The following UBFD1 variants were observed in gnomAD, a reference collection of about 807,000 sequenced individuals.
The protein encoded by UBFD1 is ubiquitin domain-containing protein UBFD1.
In UBFD1, 12 loss-of-function variants were observed where a neutral mutation model predicts 35.1. The observed-to-expected ratio is 0.34, with a 90% confidence interval of 0.22 to 0.55. The LOEUF (loss-of-function observed/expected upper bound fraction) is 0.55, where lower values mean the gene tolerates loss of function less well. Among genes scored for constraint, UBFD1 ranks in the 20% least tolerant of loss-of-function variants. The probability of loss-of-function intolerance (pLI) is 0.89; values close to 1 mark genes in which losing one functional copy is unlikely to be tolerated. For synonymous variants in UBFD1, 178 were observed against 167.6 expected, an observed-to-expected ratio of 1.06 and a Z score of -0.48; for missense variants, 337 against 410.8, an observed-to-expected ratio of 0.82 and a Z score of 1.55.
At chr16:23,557,805 T>C in intron 1 of UBFD1, 38 bp downstream of exon 1, 1 of 1,274,622 alleles carries the variant, frequency 7.8e-7, no homozygotes, top group Non-Finnish European at 9.9e-7. Flanking sequence ...GGGCCGGGGC[T>C]GAGGTTGCGG....
rs1479698831 is a variant in UBFD1, at chr16:23,558,218, C to T, written c.294C>T (p.Asp98=). 4 of 1,610,482 alleles carry T rather than the reference C, an allele frequency of 2.5e-6. No individual in the cohort carries two copies. The African/African-American group carries it at 4.0e-5, about 16-fold the overall frequency. Residue 98 remains aspartate (D), a synonymous_variant, in exon 2 of 7, where the codon GAC becomes GAT. Coordinates refer to ENST00000395878, the MANE Select transcript of UBFD1 (RefSeq NM_019116.3). ...TCATCTGGAATAAGACCAAGCATGA[C>T]GTGAAGTTCCCCCTGGACAGCACAG... ...LKIIWNKTKH[D]VKFPLDSTGS...
rs1168080161 is a variant in UBFD1, at chr16:23,559,896, T to C, written c.564+220T>C. Reference sequence around the variant, plus strand: ...CAGTGTGTCTCAAGTCTACCTACTTTAGGATAAGACCTTGGTAAAGGGAGG... The same window carrying C: ...CAGTGTGTCTCAAGTCTACCTACTTCAGGATAAGACCTTGGTAAAGGGAGG... On this transcript the variant is annotated intron_variant, in intron 3 of 6. Coordinates refer to ENST00000395878, the MANE Select transcript of UBFD1 (RefSeq NM_019116.3). 7 of 1,525,154 alleles carry C rather than the reference T, an allele frequency of 4.6e-6. No homozygotes were observed. In the African/African-American group the frequency reaches 8.2e-5, roughly 18 times the overall value. The allele number at this position is 1,525,154 out of a possible 1,614,324, so 94.5% of individuals were successfully genotyped here.
chr16:23,569,945 C>T (rs778537027), intron 6 of UBFD1, among the ~76,000 whole-genome samples: 3 of 152,232 alleles, frequency 2.0e-5, no homozygotes, highest in Non-Finnish European at 2.9e-5. Flanking sequence ...TTAAAAAGAG[C>T]TCCAGTATTG....
At chr16:23,559,958 T>C in intron 3 of UBFD1, 1 of 1,285,880 alleles carries the variant, frequency 7.8e-7, no homozygotes. Context: ...AGACGTGGGT[T>C]TCTCTCTCTT....
chr16:23,560,180 A>G (rs74014939), intron 3 of UBFD1, among the ~76,000 whole-genome samples: 2,782 of 151,904 alleles, frequency 0.018, 86 homozygotes, highest in African/African-American at 0.064. Context: ...GGATTTGTTT[A>G]TTTATTTTTT....
chr16:23,570,666 G>T lies in UBFD1; in HGVS notation c.*76G>T. The T allele has an allele frequency of 1.6e-6, 2 of 1,213,864 alleles. No individual in the cohort carries two copies. The highest frequency in any genetic ancestry group is 2.4e-6 in the Non-Finnish European group (2 of 832,598). The allele number at this position is 1,213,864 out of a possible 1,614,324, so 75.2% of individuals were successfully genotyped here. A position where few individuals can be genotyped will look rare whatever the true frequency, so the allele number is the denominator to read the frequency against. ...CCGGGAGAGGCCTGCAGCATCCCTG[G>T]ATTTCAGAGTTCTGGAACTTTGTTC... On this transcript the variant is annotated 3_prime_UTR_variant, in exon 7 of 7. Coordinates refer to ENST00000395878, the MANE Select transcript of UBFD1 (RefSeq NM_019116.3).
chr16:23,568,876 T>A (rs113798515), intron 6 of UBFD1: 1,979 of 152,220 alleles, frequency 0.013, 19 homozygotes, highest in South Asian at 0.02. Flanking sequence ...TTGAATGTTT[T>A]TAACTGGGCC....
At chr16:23,557,825 T>C in intron 1 of UBFD1, 58 bp downstream of exon 1, 3 of 1,274,544 alleles carry the variant, frequency 2.4e-6, no homozygotes, top group Non-Finnish European at 3.0e-6. Flanking sequence ...GTCGCTCCTC[T>C]GGGGGATGCG....
At chr16:23,557,838 C>T in intron 1 of UBFD1, 71 bp downstream of exon 1, 1 of 1,275,422 alleles carries the variant, frequency 7.8e-7, no homozygotes, top group Non-Finnish European at 9.9e-7. Flanking sequence ...GGGATGCGGC[C>T]CGGCCCGGGA....
In UBFD1 at chr16:23,572,429, T is replaced by G. The variant is rs1396556692; in HGVS notation, c.*1839T>G. 6.6e-6 allele frequency: 1 copy of G among 152,334 alleles called. No individual in the cohort carries two copies. Among genetic ancestry groups the G allele is most frequent in the Non-Finnish European group, 1.5e-5 (1 of 68,068 alleles). 9.4% of individuals were successfully genotyped at this position (152,334 alleles called of 1,614,324 possible). A position where few individuals can be genotyped will look rare whatever the true frequency, so the allele number is the denominator to read the frequency against. ...TTTGGGGGAAATGAGATGCATTAAG[T>G]AGAACATCATCTCGGGTCAGACATT... On this transcript the variant is annotated 3_prime_UTR_variant, in exon 7 of 7. Transcript: ENST00000395878.
chr16:23,558,268 A>T lies in UBFD1; in HGVS notation c.344A>T (p.His115Leu), dbSNP rs765402159. 15 of 1,598,544 alleles carry T rather than the reference A, an allele frequency of 9.4e-6. No homozygotes were observed. Among genetic ancestry groups the T allele is most frequent in the Non-Finnish European group, 3.4e-6 (4 of 1,173,138 alleles). The part of the protein sequence containing the change: ...STGSELKQKI[H>L]SITGLPPAMQ... ...GGCTCCGAGCTGAAACAGAAGATCC[A>T]CTCGATTACAGGTAATTCCTGTGGC... Residue 115 changes from histidine to leucine, a missense_variant, in exon 2 of 7, where the codon CAC becomes CTC. Physicochemically the swap from His to Leu is moderately conservative, Grantham distance 99. Transcript: ENST00000395878.
chr16:23,571,002 A>G lies in UBFD1; in HGVS notation c.*412A>G, dbSNP rs1966076422. 6.5e-6 allele frequency: 1 copy of G among 152,726 alleles called. No individual in the cohort carries two copies. The highest frequency in any genetic ancestry group is 2.4e-5 in the African/African-American group (1 of 41,300). 9.5% of individuals were successfully genotyped at this position (152,726 alleles called of 1,614,324 possible). ...ATATTTTCATACATCTTTGGTTGCA[A>G]ACATTTGGACTGCATTGCAATGAGT... On this transcript the variant is annotated 3_prime_UTR_variant, in exon 7 of 7. Transcript: ENST00000395878.
chr16:23,570,129 A>C (rs1192155917), intron 6 of UBFD1, among the ~76,000 whole-genome samples: 1 of 152,186 alleles, frequency 6.6e-6, no homozygotes, highest in Non-Finnish European at 1.5e-5. Context: ...TCCCTGGATC[A>C]GTAGTGTTGC....
At chr16:23,559,697 T>G in intron 3 of UBFD1, 21 bp downstream of exon 3, 1 of 1,613,988 alleles carries the variant, frequency 6.2e-7, no homozygotes, top group Non-Finnish European at 8.5e-7. Context: ...CTTGTGCTTC[T>G]TGGTCTTGAG....
At position 23,558,200 on chromosome 16, in the gene UBFD1, G is replaced by A; in HGVS notation, c.276G>A (p.Trp92Ter). The change falls in exon 2 of 7, where the codon TGG becomes TGA. Residue 92 changes from tryptophan (W) to a stop codon, truncating the protein, a stop_gained. Coordinates refer to ENST00000395878, the MANE Select transcript of UBFD1 (RefSeq NM_019116.3). LOFTEE classifies it high-confidence loss of function. ...AGCTGGTGGACTTGAAGATCATCTG[G>A]AATAAGACCAAGCATGACGTGAAGT... ...GRELVDLKIIWNKTKHDVKFP... is the reference protein window; with the variant it reads ...GRELVDLKII 6.2e-7 allele frequency: 1 copy of A among 1,611,084 alleles called. No individual in the cohort carries two copies. The highest frequency in any genetic ancestry group is 8.5e-7 in the Non-Finnish European group (1 of 1,178,874).
Position 23,559,672 on chromosome 16 carries a change from A to G in UBFD1, c.560A>G (p.Gln187Arg). 5 of 1,614,256 alleles carry G rather than the reference A, an allele frequency of 3.1e-6. No individual in the cohort carries two copies. Among genetic ancestry groups the G allele is most frequent in the African/African-American group, 1.3e-5 (1 of 75,078 alleles). Residue 187 changes from glutamine to arginine, a missense_variant, in exon 3 of 7, where the codon CAG (glutamine) becomes CGG (arginine). By Grantham distance (43) the Gln-to-Arg change is conservative. Coordinates refer to ENST00000395878, the MANE Select transcript of UBFD1 (RefSeq NM_019116.3). ...EENKKEPLCR[Q>R]KQHRKVLDKG... Reference sequence around the variant, plus strand: ...AACAAGAAGGAGCCTCTCTGCAGGCAGAAAGTGAGTCCATCTTGTGCTTCT... The same window carrying G: ...AACAAGAAGGAGCCTCTCTGCAGGCGGAAAGTGAGTCCATCTTGTGCTTCT...
rs1398068290 is a variant in UBFD1, at chr16:23,571,540, G to A, written c.*950G>A. On this transcript the variant is annotated 3_prime_UTR_variant, in exon 7 of 7. Transcript: ENST00000395878. ...AAAGACCTCTTCCAGGAGGAGCCAG[G>A]TAGAAGATAGTTATACAGCCATATA... 1 of 152,430 alleles carries A rather than the reference G, an allele frequency of 6.6e-6. No individual in the cohort carries two copies. The highest frequency in any genetic ancestry group is 2.4e-5 in the African/African-American group (1 of 41,470). The allele number at this position is 152,430 out of a possible 1,614,324, so 9.4% of individuals were successfully genotyped here. A position where few individuals can be genotyped will look rare whatever the true frequency, so the allele number is the denominator to read the frequency against.
intron 4 of UBFD1, 95 bp downstream of exon 4, chr16:23,562,366 G>GT (rs371873073): frequency 0.21 from 176,360 of 831,370 alleles, 140 homozygotes; most frequent in East Asian, 0.25. Flanking sequence ...TTTTTTCCCT[G>GT]TTTTTTTTTT....
rs1370418560 is a variant in UBFD1, at chr16:23,573,267, G to A, written c.*2677G>A. ...GTGACTGTAACAGCGTTGACTCGAA[G>A]CTAGAGATGGAGGGGGTGGCCGTCT... is the stretch of plus-strand genomic sequence containing the variant. On this transcript the variant is annotated 3_prime_UTR_variant, in exon 7 of 7. Coordinates refer to ENST00000395878, the MANE Select transcript of UBFD1 (RefSeq NM_019116.3). 1 of 152,226 alleles carries A rather than the reference G, an allele frequency of 6.6e-6. No individual in the cohort carries two copies. The highest frequency in any genetic ancestry group is 1.9e-4 in the East Asian group (1 of 5,200). 9.4% of individuals were successfully genotyped at this position (152,226 alleles called of 1,614,324 possible). A position where few individuals can be genotyped will look rare whatever the true frequency, so the allele number is the denominator to read the frequency against.
Sources: allele counts gnomAD v4.1 joint callset (sites outside exome capture counted in the v4.1 genomes callset), GRCh38; gene constraint gnomAD v4.1.1; transcripts MANE v1.5; gene names NCBI Gene and HGNC (gene_info 2026-07-23, HGNC 2026-07-21).